Variants in TTLL5 observed in about 807,000 individuals in gnomAD.
The protein encoded by TTLL5 is tubulin polyglutamylase TTLL5.
A neutral mutation model predicts 168.4 loss-of-function variants in TTLL5; 132 were observed. The ratio of observed to expected loss-of-function variants is 0.78; its 90% CI spans 0.68 to 0.91. TTLL5 has a LOEUF of 0.91. Among genes scored for constraint, TTLL5 ranks in the 40% least tolerant of loss-of-function variants. TTLL5 has a pLI of 0.00. For missense variants in TTLL5, 1,545 were observed against 1,581.5 expected, an observed-to-expected ratio of 0.98 and a Z score of 0.39; for synonymous variants, 546 against 558.6, an observed-to-expected ratio of 0.98 and a Z score of 0.32.
At chr14:75,779,473 A>G (rs1891919220) in intron 23 of TTLL5, 102 bp from the exon 24 acceptor site, 4 of 1,528,796 alleles carry the variant, frequency 2.6e-6, no homozygotes, top group Admixed American at 2.2e-5. Flanking sequence ...TGTGCTTTTC[A>G]TTTTTCCCTT....
rs1361306305 is a variant in TTLL5, at chr14:75,732,394, G to A, written c.1099G>A (p.Val367Met). 7.4e-6 allele frequency: 12 copies of A among 1,613,722 alleles called. No homozygotes were observed. The highest frequency in any genetic ancestry group is 1.0e-5 in the Non-Finnish European group (12 of 1,179,882). The change falls in exon 13 of 32, where the codon GTG becomes ATG. Residue 367 changes from valine (V) to methionine (M), a missense_variant. Physicochemically the swap from Val to Met is conservative, Grantham distance 21. Coordinates refer to ENST00000298832, the MANE Select transcript of TTLL5 (RefSeq NM_015072.5). ...DSTLKPWLLEVNLSPSLACDA... is the reference protein window; with the variant it reads ...DSTLKPWLLEMNLSPSLACDA... The stretch of plus-strand genomic sequence containing the variant: ...TACTCTGAAGCCATGGTTGTTGGAA[G>A]TGAATCTCTCTCCTTCTTTGGCCTG...
At chr14:75,765,870 A>G (rs532174033) in intron 19 of TTLL5, among the ~76,000 whole-genome samples, 192 bp from the exon 20 acceptor site, 2 of 152,312 alleles carry the variant, frequency 1.3e-5, no homozygotes, top group Admixed American at 1.3e-4. Flanking sequence ...TCAAAAAATG[A>G]TAATAAATGA....
At chr14:75,890,797 G>A (rs2032362842) in intron 30 of TTLL5, among the ~76,000 whole-genome samples, 2 of 152,130 alleles carry the variant, frequency 1.3e-5, no homozygotes, top group South Asian at 4.1e-4. Context: ...TTGGCTCACT[G>A]CAGCCTCTGT....
intron 7 of TTLL5, among the ~76,000 whole-genome samples, chr14:75,705,540 G>T (rs1209974620): frequency 6.6e-6 from 1 of 152,140 alleles, no homozygotes; most frequent in East Asian, 1.9e-4. Flanking sequence ...TATTAGCTCC[G>T]TGACTTTGAG....
At chr14:75,938,983 C>G (rs1417081961) in intron 31 of TTLL5, among the ~76,000 whole-genome samples, 4 of 152,188 alleles carry the variant, frequency 2.6e-5, no homozygotes, top group Non-Finnish European at 5.9e-5. Context: ...TTTAACGGGT[C>G]GCAACCAGGC....
At chr14:75,841,670 G>C (rs1896259778) in intron 28 of TTLL5, among the ~76,000 whole-genome samples, 1 of 152,238 alleles carries the variant, frequency 6.6e-6, no homozygotes, top group Admixed American at 6.5e-5. Flanking sequence ...TAAATCGGGG[G>C]ATTGGGAAGG....
At chr14:75,668,875 AT>A (rs1883497512) in intron 2 of TTLL5, among the ~76,000 whole-genome samples, 1 of 152,192 alleles carries the variant, frequency 6.6e-6, no homozygotes, top group Admixed American at 6.5e-5. Context: ...AATAAAGAGA[AT>A]ACTTTCACTC....
At chr14:75,685,440 A>T in intron 5 of TTLL5, among the ~76,000 whole-genome samples, 1 of 151,984 alleles carries the variant, frequency 6.6e-6, no homozygotes, top group East Asian at 1.9e-4. Flanking sequence ...ACCATTCATC[A>T]TATTCTTTGG....
intron 31 of TTLL5, among the ~76,000 whole-genome samples, chr14:75,925,373 A>G (rs1230897798): frequency 6.8e-6 from 1 of 146,966 alleles, no homozygotes; most frequent in Non-Finnish European, 1.5e-5. Context: ...CACCTCCGAG[A>G]CGGGGTCGCG....
chr14:75,800,648 C>T (rs1893245972), intron 27 of TTLL5, among the ~76,000 whole-genome samples: 1 of 152,086 alleles, frequency 6.6e-6, no homozygotes, highest in Non-Finnish European at 1.5e-5. Context: ...TTCTTTTGTC[C>T]CACTGGTTGG....
intron 26 of TTLL5, among the ~76,000 whole-genome samples, chr14:75,791,250 T>C (rs1484704909): frequency 2.0e-5 from 3 of 152,118 alleles, no homozygotes; most frequent in Non-Finnish European, 2.9e-5. Flanking sequence ...CAAGGGTGTT[T>C]ATGGCTGCGT....
chr14:75,839,640 C>T (rs1463980552), intron 28 of TTLL5, among the ~76,000 whole-genome samples: 1 of 152,138 alleles, frequency 6.6e-6, no homozygotes, highest in Non-Finnish European at 1.5e-5. Flanking sequence ...ATGTGAACAG[C>T]ACGGGGGAAA....
At chr14:75,773,641 C>T (rs187637962) in intron 21 of TTLL5, among the ~76,000 whole-genome samples, 4 of 151,816 alleles carry the variant, frequency 2.6e-5, no homozygotes, top group South Asian at 2.1e-4. Context: ...GTAATCCCAG[C>T]GCTTTGGGAG....
intron 26 of TTLL5, among the ~76,000 whole-genome samples, chr14:75,787,523 C>G (rs140767048): frequency 7.0e-4 from 107 of 152,270 alleles, no homozygotes; most frequent in African/African-American, 2.3e-3. Flanking sequence ...ATGGAAACAA[C>G]CACATGAAGA....
chr14:75,895,598 A>G (rs1057083942), intron 30 of TTLL5, among the ~76,000 whole-genome samples: 2 of 152,128 alleles, frequency 1.3e-5, no homozygotes, highest in Admixed American at 6.5e-5. Flanking sequence ...AGAGATAATC[A>G]TAATGAAAAT....
intron 21 of TTLL5, among the ~76,000 whole-genome samples, chr14:75,773,183 A>T (rs767914978): frequency 1.7e-4 from 26 of 152,260 alleles, no homozygotes; most frequent in Non-Finnish European, 3.2e-4. Flanking sequence ...GAACCCAGAG[A>T]TAAAACCTTG....
At chr14:75,801,628 T>C (rs1893332086) in intron 27 of TTLL5, among the ~76,000 whole-genome samples, 1 of 152,182 alleles carries the variant, frequency 6.6e-6, no homozygotes, top group South Asian at 2.1e-4. Flanking sequence ...TATTTTGTGT[T>C]GCAAAGCTCA....
At chr14:75,881,777 G>A (rs2031824878) in intron 29 of TTLL5, among the ~76,000 whole-genome samples, 1 of 152,104 alleles carries the variant, frequency 6.6e-6, no homozygotes, top group African/African-American at 2.4e-5. Context: ...TTTTTACAAT[G>A]CATGTTGAAA....
intron 26 of TTLL5, among the ~76,000 whole-genome samples, chr14:75,788,194 T>G (rs1430140948): frequency 6.6e-6 from 1 of 152,106 alleles, no homozygotes; most frequent in East Asian, 1.9e-4. Context: ...TGGAAATTAA[T>G]GTGCTAAATG....
Sources: gnomAD v4.1 joint callset for allele counts (sites outside exome capture counted in the v4.1 genomes callset) on GRCh38, gnomAD v4.1.1 for gene constraint, MANE v1.5 for transcripts, NCBI Gene and HGNC (gene_info 2026-07-23, HGNC 2026-07-21) for gene names.